The following JAZF1 variants were observed in gnomAD, a reference collection of about 807,000 sequenced individuals.
JAZF1 encodes JAZF zinc finger 1, also known as juxtaposed with another zinc finger protein 1.
A neutral mutation model predicts 26.4 loss-of-function variants in JAZF1; 8 were observed. The ratio of observed to expected loss-of-function variants is 0.30; its 90% CI spans 0.18 to 0.55. The LOEUF is 0.55. Ranked by LOEUF, JAZF1 falls within the 20% of genes least tolerant of loss-of-function variation. The pLI is 0.94. For synonymous variants in JAZF1, 126 were observed against 122.3 expected, an observed-to-expected ratio of 1.03 and a Z score of -0.20; for missense variants, 199 against 322.0, an observed-to-expected ratio of 0.62 and a Z score of 2.92.
chr7:27,852,615 C>G (rs1282768499), intron 3 of JAZF1, among the ~76,000 whole-genome samples: 11 of 152,166 alleles, frequency 7.2e-5, no homozygotes, highest in Admixed American at 7.2e-4. Flanking sequence ...CCTACTCTTG[C>G]CCCAGGCCCT....
In JAZF1 at chr7:28,034,079, G is replaced by A. The variant is rs117285962; in HGVS notation, c.116-42098C>T. ...TTCTTTCTCAAATCAGTTAGTCCTG[G>A]TGCATAAGAAATACCAATACCTCTC... On this transcript the variant is annotated intron_variant, in intron 1 of 4. Transcript: ENST00000283928. Among the ~76,000 whole-genome samples the A allele has an allele frequency of 5.2e-3, 793 of 152,170 alleles. 4 individuals are homozygous for A. Among genetic ancestry groups the A allele is most frequent in the Middle Eastern group, 0.014 (4 of 294 alleles).
At chr7:28,125,776 T>G (rs1782683790) in intron 1 of JAZF1, among the ~76,000 whole-genome samples, 1 of 152,156 alleles carries the variant, frequency 6.6e-6, no homozygotes. Context: ...CCTCACTCAG[T>G]GCAAGCATGA....
rs1783277087 is a variant in JAZF1 at position 28,161,042 on chromosome 7, C to A, written c.115+19421G>T. 2.0e-5 allele frequency among the ~76,000 whole-genome samples: 3 copies of A among 152,112 alleles called. No individual in the cohort carries two copies. In the South Asian group the frequency reaches 6.2e-4, roughly 32 times the overall value. ...ACTCTGGTTATGTTCTAGTAAGTGACAATGAACAGATTATTTAAGCACTCT... is the reference window on the plus strand; with the variant it reads ...ACTCTGGTTATGTTCTAGTAAGTGAAAATGAACAGATTATTTAAGCACTCT... On this transcript the variant is annotated intron_variant, in intron 1 of 4. Transcript: ENST00000283928.
intron 1 of JAZF1, among the ~76,000 whole-genome samples, chr7:28,180,139 C>A (rs1464161010): frequency 7.4e-6 from 1 of 135,822 alleles, no homozygotes; most frequent in Non-Finnish European, 1.5e-5. Context: ...CACTCGGCCC[C>A]GCCGCCGCAA....
At chr7:27,939,998 G>C (rs1784818515) in intron 2 of JAZF1, among the ~76,000 whole-genome samples, 1 of 152,162 alleles carries the variant, frequency 6.6e-6, no homozygotes, top group African/African-American at 2.4e-5. Flanking sequence ...TCTGAGGACT[G>C]AGGCAGGCAG....
chr7:27,939,695 C>T (rs1784814234), intron 2 of JAZF1, among the ~76,000 whole-genome samples: 1 of 152,226 alleles, frequency 6.6e-6, no homozygotes, highest in East Asian at 1.9e-4. Context: ...AAGCCAAATG[C>T]GACCTTGCCA....
intron 2 of JAZF1, among the ~76,000 whole-genome samples, chr7:27,982,495 G>T (rs10266749): frequency 0.013 from 2,003 of 152,150 alleles, 50 homozygotes; most frequent in African/African-American, 0.046. Flanking sequence ...AAGGAGGTCC[G>T]CCTGCCTCTG....
At chr7:27,915,846 T>C (rs1784437291) in intron 2 of JAZF1, among the ~76,000 whole-genome samples, 1 of 152,236 alleles carries the variant, frequency 6.6e-6, no homozygotes, top group South Asian at 2.1e-4. Flanking sequence ...ATGATGGACC[T>C]GATTTATTGA....
At chr7:28,103,997 C>G (rs1390274467) in intron 1 of JAZF1, among the ~76,000 whole-genome samples, 2 of 152,210 alleles carry the variant, frequency 1.3e-5, no homozygotes, top group Non-Finnish European at 2.9e-5. Context: ...CTTATCTCCC[C>G]CTGCCCTCTT....
intron 1 of JAZF1, among the ~76,000 whole-genome samples, chr7:28,177,594 C>T (rs1783567519): frequency 6.6e-6 from 1 of 152,150 alleles, no homozygotes; most frequent in Non-Finnish European, 1.5e-5. Flanking sequence ...CTAAGCATAT[C>T]TCTAATACTC....
chr7:27,940,493 G>A (rs772902257), intron 2 of JAZF1, among the ~76,000 whole-genome samples: 4 of 152,250 alleles, frequency 2.6e-5, no homozygotes, highest in Admixed American at 6.5e-5. Context: ...CAGTCAGCCC[G>A]CATGGTTTCA....
chr7:28,090,474 C>G (rs141546258), intron 1 of JAZF1, among the ~76,000 whole-genome samples: 1 of 152,344 alleles, frequency 6.6e-6, no homozygotes, highest in East Asian at 1.9e-4. Flanking sequence ...AGTATAAATT[C>G]TAGGCCAATT....
At chr7:28,133,773 G>C (rs757224259) in intron 1 of JAZF1, among the ~76,000 whole-genome samples, 6 of 152,128 alleles carry the variant, frequency 3.9e-5, no homozygotes, top group Non-Finnish European at 7.3e-5. Flanking sequence ...ACTTGCTCCT[G>C]CCTTAGGCCT....
intron 1 of JAZF1, among the ~76,000 whole-genome samples, chr7:28,144,303 A>ATTAGAGTTGAAGGCATATT (rs1158978972): frequency 2.0e-5 from 3 of 152,260 alleles, no homozygotes; most frequent in Non-Finnish European, 4.4e-5. Flanking sequence ...TAGAGAAAAT[A>ATTAGAGTTGAAGGCATATT]AGAGTTGAAG....
At chr7:28,132,495 A>T (rs1240742443) in intron 1 of JAZF1, among the ~76,000 whole-genome samples, 2 of 152,190 alleles carry the variant, frequency 1.3e-5, no homozygotes, top group African/African-American at 4.8e-5. Flanking sequence ...AAGATTCTTA[A>T]GGGTGGTAAG....
At chr7:28,176,566 G>T (rs1313325892) in intron 1 of JAZF1, among the ~76,000 whole-genome samples, 1 of 152,068 alleles carries the variant, frequency 6.6e-6, no homozygotes, top group Non-Finnish European at 1.5e-5. Context: ...AACATACTGT[G>T]TATCACATAC....
At chr7:27,948,375 C>T (rs549019308) in intron 2 of JAZF1, among the ~76,000 whole-genome samples, 1 of 152,286 alleles carries the variant, frequency 6.6e-6, no homozygotes, top group South Asian at 2.1e-4. Flanking sequence ...TGTATCCTGC[C>T]TCACCTGAGG....
chr7:27,913,641 C>G (rs1784398785), intron 2 of JAZF1, among the ~76,000 whole-genome samples: 1 of 152,182 alleles, frequency 6.6e-6, no homozygotes, highest in African/African-American at 2.4e-5. Context: ...TGATTAACAT[C>G]TCCAGAAGAA....
intron 2 of JAZF1, among the ~76,000 whole-genome samples, chr7:27,927,933 A>G (rs1033048008): frequency 6.6e-6 from 1 of 152,220 alleles, no homozygotes; most frequent in African/African-American, 2.4e-5. Flanking sequence ...CATGTACTTG[A>G]TAAAATGAAA....
Sources: allele counts gnomAD v4.1 joint callset (sites outside exome capture counted in the v4.1 genomes callset), GRCh38; gene constraint gnomAD v4.1.1; transcripts MANE v1.5; gene names NCBI Gene and HGNC (gene_info 2026-07-23, HGNC 2026-07-21).